EYS: variants seen among roughly 807,000 people sequenced by gnomAD.
The protein encoded by EYS is protein eyes shut homolog.
Under a neutral mutation model 282.1 loss-of-function variants are expected in EYS, and 250 were observed. That is an observed-to-expected ratio of 0.89 (90% CI 0.80 to 0.98). The LOEUF (loss-of-function observed/expected upper bound fraction) is 0.98, where lower values mean the gene tolerates loss of function less well. EYS is among the 50% of genes least tolerant of loss of function. EYS has a pLI of 0.00. For synonymous variants in EYS, 1,355 were observed against 1,282.9 expected, an observed-to-expected ratio of 1.06 and a Z score of -1.20; for missense variants, 4,016 against 3,709.0, an observed-to-expected ratio of 1.08 and a Z score of -2.15.
chr6:63,779,870 T>A lies in EYS; in HGVS notation c.7724-1690A>T, dbSNP rs542014680. Among the ~76,000 whole-genome samples the A allele has an allele frequency of 2.6e-4, 39 of 152,200 alleles. 1 individual carries two copies. Among genetic ancestry groups the A allele is most frequent in the African/African-American group, 8.4e-4 (35 of 41,522 alleles). On this transcript the variant is annotated intron_variant, in intron 39 of 42. Transcript: ENST00000503581. ...CCATTAACTCGTCATTTACATTAGG[T>A]ATTCCTCCTGATGCTATCCCTCCGC... is the stretch of plus-strand genomic sequence containing the variant.
intron 11 of EYS, among the ~76,000 whole-genome samples, chr6:65,320,793 G>C (rs1178027695): frequency 6.6e-6 from 1 of 152,170 alleles, no homozygotes; most frequent in African/African-American, 2.4e-5. Flanking sequence ...GCCTTAAACA[G>C]GTGGCCTGAA....
At chr6:64,881,581 T>C (rs1766920425) in intron 19 of EYS, among the ~76,000 whole-genome samples, 1 of 151,850 alleles carries the variant, frequency 6.6e-6, no homozygotes, top group Admixed American at 6.6e-5. Context: ...CATAAGCTCC[T>C]TTAGGGTAGG....
intron 29 of EYS, among the ~76,000 whole-genome samples, chr6:64,324,293 T>G (rs1178823849): frequency 6.6e-6 from 1 of 152,202 alleles, no homozygotes; most frequent in Non-Finnish European, 1.5e-5. Context: ...CATGATGAGG[T>G]AGGCTTTATT....
intron 31 of EYS, among the ~76,000 whole-genome samples, chr6:64,170,834 T>A (rs1185905461): frequency 6.6e-6 from 1 of 152,098 alleles, no homozygotes; most frequent in African/African-American, 2.4e-5. Flanking sequence ...TTTCACATAG[T>A]ACTTTCATAC....
chr6:64,870,434 A>C (rs1766558833), intron 19 of EYS, among the ~76,000 whole-genome samples: 1 of 150,568 alleles, frequency 6.6e-6, no homozygotes, highest in African/African-American at 2.4e-5. Context: ...CTCCAAAAAA[A>C]AAAAAACAAA....
At chr6:63,908,618 T>G (rs564517651) in intron 35 of EYS, among the ~76,000 whole-genome samples, 113 of 152,228 alleles carry the variant, frequency 7.4e-4, no homozygotes, top group Admixed American at 2.5e-3. Flanking sequence ...GCTCGGCTAA[T>G]TTTTGTAATT....
intron 2 of EYS, among the ~76,000 whole-genome samples, chr6:65,601,776 A>G (rs1765625311): frequency 6.6e-6 from 1 of 151,932 alleles, no homozygotes; most frequent in Non-Finnish European, 1.5e-5. Context: ...TTCTTTCTTG[A>G]CCAATTAAAA....
intron 31 of EYS, among the ~76,000 whole-genome samples, chr6:64,090,129 A>G (rs1243099108): frequency 2.6e-5 from 4 of 152,134 alleles, no homozygotes; most frequent in East Asian, 3.9e-4. Flanking sequence ...TAAAACTAGG[A>G]CAAGAAAGGT....
chr6:64,940,717 A>G (rs546064670), intron 15 of EYS, among the ~76,000 whole-genome samples: 1 of 151,904 alleles, frequency 6.6e-6, no homozygotes, highest in Non-Finnish European at 1.5e-5. Flanking sequence ...TTTTTGTCAC[A>G]TAGTATCTAT....
At chr6:64,248,102 C>T (rs1767074616) in intron 30 of EYS, among the ~76,000 whole-genome samples, 1 of 151,820 alleles carries the variant, frequency 6.6e-6, no homozygotes, top group Admixed American at 6.6e-5. Flanking sequence ...AGAAACCTGC[C>T]AGATTAAGTT....
At chr6:64,623,742 ATGG>A (rs913129784) in intron 23 of EYS, among the ~76,000 whole-genome samples, 1 of 152,078 alleles carries the variant, frequency 6.6e-6, no homozygotes, top group Admixed American at 6.6e-5. Context: ...ATTTTGGAGG[ATGG>A]TGGTTAATTG....
intron 36 of EYS, among the ~76,000 whole-genome samples, chr6:63,835,337 C>A (rs7738664): frequency 0.57 from 85,435 of 149,864 alleles, 25,763 homozygotes; most frequent in Non-Finnish European, 0.67. Context: ...TACTCTCTCT[C>A]TATATATATA....
At chr6:63,763,349 C>T (rs1769697892) in intron 40 of EYS, among the ~76,000 whole-genome samples, 1 of 151,978 alleles carries the variant, frequency 6.6e-6, no homozygotes, top group Non-Finnish European at 1.5e-5. Context: ...CCATCAAAGG[C>T]AGAGTTGTCA....
intron 13 of EYS, among the ~76,000 whole-genome samples, chr6:65,033,915 C>A (rs1772685784): frequency 6.6e-6 from 1 of 152,176 alleles, no homozygotes; most frequent in South Asian, 2.1e-4. Flanking sequence ...GAATTCAATT[C>A]CAATCTGTGA....
chr6:64,151,347 AT>A (rs1562226744), intron 31 of EYS, among the ~76,000 whole-genome samples: 3 of 113,440 alleles, frequency 2.6e-5, no homozygotes, highest in African/African-American at 4.0e-5. Flanking sequence ...ATATATATAT[AT>A]ATATATATAT....
At chr6:65,456,045 G>A (rs12210232) in intron 5 of EYS, among the ~76,000 whole-genome samples, 8 of 128,376 alleles carry the variant, frequency 6.2e-5, no homozygotes, top group Non-Finnish European at 1.3e-4. Flanking sequence ...AAGAAAGAAA[G>A]AGAAAGAAAG....
intron 41 of EYS, among the ~76,000 whole-genome samples, chr6:63,757,288 GCC>G (rs1232468852): frequency 4.6e-5 from 7 of 152,030 alleles, no homozygotes; most frequent in Non-Finnish European, 1.0e-4. Context: ...ACTGAAAGAT[GCC>G]CTGGTTTCCT....
chr6:63,721,898 A>G (rs1768412072), intron 42 of EYS, 101 bp from the exon 43 acceptor site: 4 of 1,087,048 alleles, frequency 3.7e-6, no homozygotes, highest in Non-Finnish European at 1.3e-6. Context: ...AGTTATGGGG[A>G]AAAAAGTAAC....
At chr6:64,603,449 A>G (rs1766824850) in intron 24 of EYS, among the ~76,000 whole-genome samples, 1 of 152,050 alleles carries the variant, frequency 6.6e-6, no homozygotes, top group Non-Finnish European at 1.5e-5. Flanking sequence ...TTGCCTCCCA[A>G]GAGCACACAG....
Sources: allele counts gnomAD v4.1 joint callset (sites outside exome capture counted in the v4.1 genomes callset), GRCh38; gene constraint gnomAD v4.1.1; transcripts MANE v1.5; gene names NCBI Gene and HGNC (gene_info 2026-07-23, HGNC 2026-07-21).